The following ROBO1 variants were observed in gnomAD, a reference collection of about 807,000 sequenced individuals.
The protein encoded by ROBO1 is roundabout homolog 1.
In ROBO1, 149 loss-of-function variants were observed where a neutral mutation model predicts 195.9. That is an observed-to-expected ratio of 0.76 (90% CI 0.67 to 0.87). ROBO1 has a LOEUF of 0.87. Among genes scored for constraint, ROBO1 ranks in the 40% least tolerant of loss-of-function variants. ROBO1 has a pLI of 0.00. For missense variants in ROBO1, 1,933 were observed against 2,068.3 expected (o/e 0.93, Z 1.27); for synonymous variants, 816 against 733.2 (o/e 1.11, Z -1.82).
intron 3 of ROBO1, among the ~76,000 whole-genome samples, chr3:78,985,307 A>G (rs867995718): frequency 6.6e-6 from 1 of 152,244 alleles, no homozygotes; most frequent in South Asian, 2.1e-4. Flanking sequence ...CTCAAAAAAT[A>G]ATAATAATAT....
intron 2 of ROBO1, among the ~76,000 whole-genome samples, chr3:79,243,783 C>T (rs1229509207): frequency 2.0e-5 from 3 of 152,124 alleles, no homozygotes; most frequent in Non-Finnish European, 4.4e-5. Flanking sequence ...TATAGGTTGC[C>T]TATTCACTCT....
At chr3:79,603,882 A>T (rs1276533413) in intron 1 of ROBO1, among the ~76,000 whole-genome samples, 1 of 151,966 alleles carries the variant, frequency 6.6e-6, no homozygotes, top group Non-Finnish European at 1.5e-5. Flanking sequence ...ATAATAGGGG[A>T]TAAAGTAAAA....
intron 2 of ROBO1, among the ~76,000 whole-genome samples, chr3:79,416,355 T>C (rs1345660733): frequency 6.6e-6 from 1 of 151,526 alleles, no homozygotes; most frequent in Admixed American, 6.6e-5. Context: ...CCTGTAATCC[T>C]GGCACTTTGA....
intron 4 of ROBO1, among the ~76,000 whole-genome samples, chr3:78,783,958 C>G (rs1307370323): frequency 6.6e-6 from 1 of 151,984 alleles, no homozygotes; most frequent in Non-Finnish European, 1.5e-5. Flanking sequence ...TATTGTGGCT[C>G]TATGAAATAT....
intron 2 of ROBO1, among the ~76,000 whole-genome samples, chr3:79,484,867 C>T (rs1251588454): frequency 2.0e-5 from 3 of 147,984 alleles, no homozygotes; most frequent in Non-Finnish European, 4.5e-5. Context: ...AATTCTCCTG[C>T]CCCAGCCTCC....
chr3:78,726,842 G>C (rs191130779), intron 5 of ROBO1, among the ~76,000 whole-genome samples: 1 of 152,244 alleles, frequency 6.6e-6, no homozygotes, highest in Admixed American at 6.5e-5. Context: ...TTGAAGAAGA[G>C]TCACAACAAT....
intron 2 of ROBO1, among the ~76,000 whole-genome samples, chr3:79,188,849 A>T (rs2081488713): frequency 6.6e-6 from 1 of 151,880 alleles, no homozygotes; most frequent in African/African-American, 2.4e-5. Flanking sequence ...GTAACGTAAT[A>T]TTCAAGGTAA....
In ROBO1 at chr3:79,348,434, C is replaced by T. The variant is rs145544628; in HGVS notation, c.89-222895G>A. ...TATGAAGTTTTATCTTACGGCTACA[C>T]GCAAAAATGAGGCAAAGTCTTCCTC... is the stretch of plus-strand genomic sequence containing the variant. On this transcript the variant is annotated intron_variant, in intron 2 of 30. Coordinates refer to ENST00000464233, the MANE Select transcript of ROBO1 (RefSeq NM_002941.4). Among the ~76,000 whole-genome samples, 44 of 152,094 alleles carry T rather than the reference C, an allele frequency of 2.9e-4. 1 individual carries two copies. The Middle Eastern group carries it at 0.014, about 47-fold the overall frequency.
chr3:79,418,782 G>T (rs2038107795), intron 2 of ROBO1, among the ~76,000 whole-genome samples: 1 of 152,124 alleles, frequency 6.6e-6, no homozygotes, highest in South Asian at 2.1e-4. Context: ...TCATGATCAT[G>T]CTGACCAGAT....
intron 2 of ROBO1, among the ~76,000 whole-genome samples, chr3:79,530,060 A>T (rs1941585091): frequency 6.6e-6 from 1 of 152,206 alleles, no homozygotes; most frequent in Non-Finnish European, 1.5e-5. Flanking sequence ...TTGACAATCA[A>T]AAGTTAAAAC....
rs139834342 is a variant in ROBO1, at chr3:78,933,357, G to A, written c.499+5244C>T. On this transcript the variant is annotated intron_variant, in intron 4 of 30. Coordinates refer to ENST00000464233, the MANE Select transcript of ROBO1 (RefSeq NM_002941.4). Reference sequence around the variant, plus strand: ...AAAGCAAAATCTAAAAACATAAAGAGAATTTTATGTGCTTTCAAAAGAAAA... The same window carrying A: ...AAAGCAAAATCTAAAAACATAAAGAAAATTTTATGTGCTTTCAAAAGAAAA... 1.3e-3 allele frequency among the ~76,000 whole-genome samples: 193 copies of A among 152,160 alleles called. 1 individual carries two copies. Among genetic ancestry groups the A allele is most frequent in the African/African-American group, 4.5e-3 (186 of 41,548 alleles).
intron 2 of ROBO1, among the ~76,000 whole-genome samples, chr3:79,174,277 A>G (rs1308070444): frequency 1.3e-5 from 2 of 152,086 alleles, no homozygotes; most frequent in Non-Finnish European, 2.9e-5. Flanking sequence ...CGAGCCCACG[A>G]GCCCACTGAG....
At chr3:79,763,246 C>G in intron 1 of ROBO1, among the ~76,000 whole-genome samples, 1 of 141,546 alleles carries the variant, frequency 7.1e-6, no homozygotes, top group Non-Finnish European at 1.5e-5. Context: ...CTATCGAGTG[C>G]GAAAAAATAA....
At chr3:78,711,351 C>CTCCT (rs2081700591) in intron 8 of ROBO1, among the ~76,000 whole-genome samples, 1 of 42,098 alleles carries the variant, frequency 2.4e-5, no homozygotes, top group African/African-American at 1.3e-4. Flanking sequence ...TTCCTTCCTC[C>CTCCT]TTCCTTCCTT....
At chr3:79,071,215 T>G (rs1479969117) in intron 3 of ROBO1, among the ~76,000 whole-genome samples, 3 of 151,876 alleles carry the variant, frequency 2.0e-5, no homozygotes, top group Non-Finnish European at 4.4e-5. Context: ...CATTAATCTA[T>G]CATACAGATT....
intron 2 of ROBO1, among the ~76,000 whole-genome samples, chr3:79,160,227 T>TA (rs570038219): frequency 6.9e-6 from 1 of 145,978 alleles, no homozygotes; most frequent in Non-Finnish European, 1.5e-5. Context: ...TCATTGCCTT[T>TA]AAAAAAATGT....
At chr3:78,890,331 T>C (rs963233523) in intron 4 of ROBO1, among the ~76,000 whole-genome samples, 43 of 151,670 alleles carry the variant, frequency 2.8e-4, no homozygotes, top group African/African-American at 9.7e-4. Flanking sequence ...TGAGAGATAA[T>C]TGGGGACAGG....
At chr3:79,321,883 C>T (rs1307919258) in intron 2 of ROBO1, among the ~76,000 whole-genome samples, 3 of 152,148 alleles carry the variant, frequency 2.0e-5, no homozygotes, top group South Asian at 2.1e-4. Flanking sequence ...CATTATTGCT[C>T]ATACTTATTA....
chr3:79,066,930 A>C (rs1260041548), intron 3 of ROBO1, among the ~76,000 whole-genome samples: 1 of 151,966 alleles, frequency 6.6e-6, no homozygotes, highest in African/African-American at 2.4e-5. Context: ...ATGATAAAAA[A>C]CAGTAAGCGG....
Sources: gnomAD v4.1 joint callset for allele counts (sites outside exome capture counted in the v4.1 genomes callset) on GRCh38, gnomAD v4.1.1 for gene constraint, MANE v1.5 for transcripts, NCBI Gene and HGNC (gene_info 2026-07-23, HGNC 2026-07-21) for gene names.